The following PLXDC2 variants were observed in gnomAD, a reference collection of about 807,000 sequenced individuals.
PLXDC2 encodes the protein plexin domain-containing protein 2.
A neutral mutation model predicts 68.9 loss-of-function variants in PLXDC2; 40 were observed. That is an observed-to-expected ratio of 0.58 (90% CI 0.45 to 0.76). The LOEUF (loss-of-function observed/expected upper bound fraction) is 0.76. PLXDC2 is among the 30% of genes least tolerant of loss of function. PLXDC2 has a pLI of 0.00. For synonymous variants in PLXDC2, 243 were observed against 234.2 expected (o/e 1.04, Z -0.34); for missense variants, 644 against 661.9 (o/e 0.97, Z 0.30).
At chr10:20,245,287 A>C in intron 12 of PLXDC2, 58 bp from the exon 13 acceptor site, 2 of 1,522,848 alleles carry the variant, frequency 1.3e-6, no homozygotes, top group Non-Finnish European at 1.8e-6. Context: ...TCCTCAGATG[A>C]AAATGCAAAC....
chr10:19,866,640 G>A (rs997063333), intron 1 of PLXDC2, among the ~76,000 whole-genome samples: 64 of 152,248 alleles, frequency 4.2e-4, no homozygotes, highest in African/African-American at 1.5e-3. Flanking sequence ...AGACAATACT[G>A]ACACCAGGAT....
chr10:20,027,211 A>G (rs569159371), intron 2 of PLXDC2, among the ~76,000 whole-genome samples: 116 of 152,000 alleles, frequency 7.6e-4, no homozygotes, highest in Middle Eastern at 6.9e-3. Context: ...GGTGGTCTCA[A>G]TGTGTCCCCC....
At chr10:19,820,728 A>T (rs1201864756) in intron 1 of PLXDC2, among the ~76,000 whole-genome samples, 1 of 151,882 alleles carries the variant, frequency 6.6e-6, no homozygotes, top group Non-Finnish European at 1.5e-5. Flanking sequence ...TTGCAGAAAC[A>T]TTATGTTTTT....
At chr10:20,088,949 G>A (rs999940970) in intron 4 of PLXDC2, among the ~76,000 whole-genome samples, 2 of 152,032 alleles carry the variant, frequency 1.3e-5, no homozygotes, top group Admixed American at 6.5e-5. Flanking sequence ...GGAGCACATC[G>A]CTTTTGGAAT....
intron 1 of PLXDC2, among the ~76,000 whole-genome samples, chr10:19,878,814 A>G (rs918456112): frequency 7.2e-5 from 11 of 152,284 alleles, no homozygotes; most frequent in African/African-American, 2.2e-4. Context: ...CATATTAGAG[A>G]AGATATATAA....
intron 1 of PLXDC2, among the ~76,000 whole-genome samples, chr10:19,963,951 C>G (rs1036707651): frequency 1.1e-4 from 16 of 152,098 alleles, no homozygotes; most frequent in African/African-American, 3.4e-4. Context: ...TTTTCACCTT[C>G]TACATGCAGT....
intron 1 of PLXDC2, among the ~76,000 whole-genome samples, chr10:19,978,061 C>G (rs1315779088): frequency 6.6e-6 from 1 of 152,158 alleles, no homozygotes; most frequent in Non-Finnish European, 1.5e-5. Context: ...CCCTATGTTT[C>G]TGGTATATCC....
intron 4 of PLXDC2, among the ~76,000 whole-genome samples, chr10:20,080,217 C>T (rs1836526938): frequency 6.6e-6 from 1 of 152,096 alleles, no homozygotes; most frequent in Admixed American, 6.5e-5. Context: ...TCAACAATTT[C>T]TATTAGACCC....
chr10:20,124,686 G>GTT (rs1457993530), intron 4 of PLXDC2, among the ~76,000 whole-genome samples: 3 of 151,736 alleles, frequency 2.0e-5, no homozygotes, highest in Non-Finnish European at 2.9e-5. Context: ...GATAGGTGAA[G>GTT]GAAAAAGGGG....
At chr10:20,236,394 G>A (rs959575318) in intron 12 of PLXDC2, among the ~76,000 whole-genome samples, 22 of 151,580 alleles carry the variant, frequency 1.5e-4, no homozygotes, top group African/African-American at 5.1e-4. Flanking sequence ...GCAGTGAGCC[G>A]AGATCACACC....
chr10:20,143,657 C>A (rs1251744172), intron 5 of PLXDC2, among the ~76,000 whole-genome samples: 1 of 151,960 alleles, frequency 6.6e-6, no homozygotes, highest in African/African-American at 2.4e-5. Flanking sequence ...GTAGACAAGA[C>A]CTCAGACAAA....
Position 20,196,991 on chromosome 10 carries a change from A to ATT in PLXDC2, c.1062-14670_1062-14669dup, listed in dbSNP as rs11454740. Among the ~76,000 whole-genome samples the ATT allele has an allele frequency of 8.1e-3, 1,224 of 151,492 alleles. 16 individuals are homozygous for ATT. The highest frequency in any genetic ancestry group is 0.027 in the African/African-American group (1,123 of 41,322). ...AGAAAGTCAGATGTGGCAAAGTTGG[A>ATT]TTTTTTTTTCTAATACGATGCAATG... On this transcript the variant is annotated intron_variant, in intron 9 of 13. Transcript: ENST00000377252.
chr10:20,119,318 T>TA (rs1564321739), intron 4 of PLXDC2, among the ~76,000 whole-genome samples: 2 of 150,636 alleles, frequency 1.3e-5, no homozygotes, highest in Non-Finnish European at 2.9e-5. Flanking sequence ...CGAAGGGAGA[T>TA]AGGGGTGGGG....
chr10:19,955,402 G>A (rs894428906), intron 1 of PLXDC2, among the ~76,000 whole-genome samples: 2 of 151,740 alleles, frequency 1.3e-5, no homozygotes, highest in Non-Finnish European at 2.9e-5. Context: ...CCATTTCCGG[G>A]AAATGCACCC....
At chr10:20,149,220 TTTTCTTTTC>T (rs1834119429) in intron 6 of PLXDC2, among the ~76,000 whole-genome samples, 1 of 131,540 alleles carries the variant, frequency 7.6e-6, no homozygotes, top group African/African-American at 2.8e-5. Context: ...CTTTCTTTTT[TTTTCTTTTC>T]TTTTTTTTTT....
intron 1 of PLXDC2, among the ~76,000 whole-genome samples, chr10:19,961,243 C>A (rs1834150255): frequency 6.6e-6 from 1 of 152,152 alleles, no homozygotes; most frequent in Non-Finnish European, 1.5e-5. Context: ...TTTTCAAGAT[C>A]AAAATAGAAG....
chr10:20,119,679 G>T (rs962381503), intron 4 of PLXDC2, among the ~76,000 whole-genome samples: 1 of 152,046 alleles, frequency 6.6e-6, no homozygotes, highest in African/African-American at 2.4e-5. Context: ...AATTTTGGGA[G>T]ATGGTATGGA....
At chr10:20,002,021 A>T in intron 2 of PLXDC2, 35 bp downstream of exon 2, 1 of 1,583,576 alleles carries the variant, frequency 6.3e-7, no homozygotes. Flanking sequence ...AAATGGATTA[A>T]TGAATTTATT....
chr10:20,010,337 G>C (rs1206422543), intron 2 of PLXDC2, among the ~76,000 whole-genome samples: 3 of 152,114 alleles, frequency 2.0e-5, no homozygotes, highest in Admixed American at 2.0e-4. Context: ...TTTTCTTTTA[G>C]CATATTGATG....
Sources: gnomAD v4.1 joint callset for allele counts (sites outside exome capture counted in the v4.1 genomes callset) on GRCh38, gnomAD v4.1.1 for gene constraint, MANE v1.5 for transcripts, NCBI Gene and HGNC (gene_info 2026-07-23, HGNC 2026-07-21) for gene names.